ETS1: variants seen among roughly 807,000 people sequenced by gnomAD.
ETS1 encodes the protein protein C-ets-1.
ETS1 carries 15 observed loss-of-function variants against 58.6 expected under a neutral mutation model. The observed-to-expected ratio is 0.26, with a 90% CI of 0.17 to 0.39. The LOEUF (loss-of-function observed/expected upper bound fraction) is 0.39, where lower values mean the gene tolerates loss of function less well. ETS1 is among the 10% of genes least tolerant of loss of function. The pLI, the probability that ETS1 is intolerant of heterozygous loss-of-function variation, is 1.00. For synonymous variants in ETS1, 214 were observed against 218.2 expected (o/e 0.98, Z 0.17); for missense variants, 417 against 610.5 (o/e 0.68, Z 3.34).
chr11:128,492,802 T>A (rs778664801), intron 3 of ETS1, among the ~76,000 whole-genome samples: 1 of 152,114 alleles, frequency 6.6e-6, no homozygotes. Context: ...AGTTTTACTT[T>A]AGAGAAAAGG....
chr11:128,499,029 C>G (rs562041199), intron 3 of ETS1, among the ~76,000 whole-genome samples: 10 of 152,322 alleles, frequency 6.6e-5, no homozygotes, highest in African/African-American at 2.4e-4. Context: ...CATGGCTTTG[C>G]AGAGAACCAC....
At chr11:128,550,219 C>A (rs1864207975) in intron 3 of ETS1, among the ~76,000 whole-genome samples, 1 of 152,192 alleles carries the variant, frequency 6.6e-6, no homozygotes, top group Non-Finnish European at 1.5e-5. Context: ...CAGGCCAAAC[C>A]CTCTGCTTAG....
intron 7 of ETS1, among the ~76,000 whole-genome samples, chr11:128,481,837 A>C (rs150612562): frequency 1.3e-5 from 2 of 152,378 alleles, no homozygotes; most frequent in Admixed American, 1.3e-4. Flanking sequence ...CATTGTTTAA[A>C]GATCCGGATA....
chr11:128,485,844 A>G (rs1862615056), intron 6 of ETS1, among the ~76,000 whole-genome samples: 1 of 152,200 alleles, frequency 6.6e-6, no homozygotes, highest in South Asian at 2.1e-4. Context: ...GACATCAGAG[A>G]AGGATCCTAG....
chr11:128,532,903 G>A (rs1438615063), intron 3 of ETS1, among the ~76,000 whole-genome samples: 8 of 152,040 alleles, frequency 5.3e-5, no homozygotes, highest in South Asian at 2.1e-4. Context: ...AAACCACCAC[G>A]TGCCTTCAAG....
intron 2 of ETS1, among the ~76,000 whole-genome samples, chr11:128,559,085 C>G (rs566307187): frequency 1.3e-5 from 2 of 152,166 alleles, no homozygotes; most frequent in African/African-American, 4.8e-5. Flanking sequence ...AAAAGATCCT[C>G]GTAAAGTGGT....
intron 8 of ETS1, among the ~76,000 whole-genome samples, chr11:128,465,811 C>T (rs529047160): frequency 2.0e-4 from 31 of 152,320 alleles, no homozygotes; most frequent in African/African-American, 7.5e-4. Context: ...TCATTCCTCC[C>T]AATAATTCTG....
Position 128,463,383 on chromosome 11 carries a change from C to T in ETS1, c.1242+126G>A, listed in dbSNP as rs1028095083. 1.6e-5 allele frequency: 11 copies of T among 667,960 alleles called. No homozygotes were observed. The highest frequency in any genetic ancestry group is 1.1e-4 in the African/African-American group (6 of 55,968). 41.4% of individuals were successfully genotyped at this position (667,960 alleles called of 1,614,324 possible). ...CTCAGACAGGCTACCTAGCTTGCTC[C>T]GGGTGGCAAGTGGCAGAGCTGGGAA... On this transcript the variant is annotated intron_variant, in intron 9 of 9. Transcript: ENST00000392668. The surrounding 1 kb of genome is among the most constrained non-coding windows in gnomAD (Gnocchi z 4.1).
intron 2 of ETS1, among the ~76,000 whole-genome samples, chr11:128,561,633 G>A (rs561342193): frequency 6.6e-6 from 1 of 152,148 alleles, no homozygotes; most frequent in African/African-American, 2.4e-5. Context: ...AGGAAAAATC[G>A]ACATGATTTT....
At position 128,549,733 on chromosome 11, in the gene ETS1, C is replaced by T. The variant is rs1455141349; in HGVS notation, c.214+6558G>A. On this transcript the variant is annotated intron_variant, in intron 3 of 9. Coordinates refer to ENST00000392668, the MANE Select transcript of ETS1 (RefSeq NM_001143820.2). The surrounding 1 kb of genome is among the most constrained non-coding windows in gnomAD (Gnocchi z 4.3). ...AGGGGTGATTTACATTTGTAAAGGC[C>T]TTTCCAAGCCCTCCTTCCTCGGGGC... Among the ~76,000 whole-genome samples, 1 of 152,112 alleles carries T rather than the reference C, an allele frequency of 6.6e-6. No individual in the cohort carries two copies. The highest frequency in any genetic ancestry group is 1.5e-5 in the Non-Finnish European group (1 of 68,016).
At chr11:128,527,192 G>A (rs779130193) in intron 3 of ETS1, 9 of 311,202 alleles carry the variant, frequency 2.9e-5, no homozygotes, top group Non-Finnish European at 5.7e-5. Flanking sequence ...ATGGTTCCCT[G>A]TGGGAGACAG....
intron 5 of ETS1, among the ~76,000 whole-genome samples, chr11:128,488,456 C>G (rs543548536): frequency 1.2e-4 from 18 of 152,226 alleles, no homozygotes; most frequent in African/African-American, 4.3e-4. Context: ...TCCCCTCCCC[C>G]AGCGTCTGTG....
intron 3 of ETS1, among the ~76,000 whole-genome samples, chr11:128,548,747 G>A (rs925416212): frequency 1.8e-4 from 28 of 152,316 alleles, no homozygotes; most frequent in Non-Finnish European, 3.7e-4. Flanking sequence ...AGCTCGTCCC[G>A]GGACGCCCCA....
intron 2 of ETS1, among the ~76,000 whole-genome samples, chr11:128,560,712 G>A (rs1029915248): frequency 6.6e-6 from 1 of 152,130 alleles, no homozygotes; most frequent in African/African-American, 2.4e-5. Context: ...AATATATTTG[G>A]TGCACCTAGT....
intron 5 of ETS1, among the ~76,000 whole-genome samples, chr11:128,488,018 T>C (rs1320030966): frequency 6.6e-6 from 1 of 152,162 alleles, no homozygotes; most frequent in African/African-American, 2.4e-5. Context: ...GCAGCTCCAT[T>C]TTGATAAATG....
chr11:128,571,114 T>C (rs557361105), intron 2 of ETS1, among the ~76,000 whole-genome samples: 2 of 152,164 alleles, frequency 1.3e-5, no homozygotes, highest in East Asian at 1.9e-4. Flanking sequence ...CTGAGAGTTT[T>C]TGGTTTTTTT....
At chr11:128,493,414 A>G (rs1421226048) in intron 3 of ETS1, among the ~76,000 whole-genome samples, 1 of 152,224 alleles carries the variant, frequency 6.6e-6, no homozygotes, top group Non-Finnish European at 1.5e-5. Context: ...GAAAGCAGCT[A>G]GAATTACTTT....
At chr11:128,543,000 C>A (rs1864078228) in intron 3 of ETS1, among the ~76,000 whole-genome samples, 1 of 151,954 alleles carries the variant, frequency 6.6e-6, no homozygotes, top group Admixed American at 6.6e-5. Context: ...TGGTGAAAAC[C>A]CGTCTCTACT....
At position 128,463,644 on chromosome 11, in the gene ETS1, T is replaced by C. The variant is rs768926240; in HGVS notation, c.1124-17A>G. 25 of 1,350,198 alleles carry C rather than the reference T, an allele frequency of 1.9e-5. No homozygotes were observed. The South Asian group carries it at 2.0e-4, about 11-fold the overall frequency. 83.6% of individuals were successfully genotyped at this position (1,350,198 alleles called of 1,614,324 possible). A position where few individuals can be genotyped will look rare whatever the true frequency, so the allele number is the denominator to read the frequency against. ...GTCCACTGCCTAGAAACACAAGCCA[T>C]TGTGAATCATTACACCAGATATTCA... is the stretch of plus-strand genomic sequence containing the variant. On this transcript the variant is annotated splice_polypyrimidine_tract_variant and intron_variant, in intron 8 of 9. Coordinates refer to ENST00000392668, the MANE Select transcript of ETS1 (RefSeq NM_001143820.2). The surrounding 1 kb of genome is among the most constrained non-coding windows in gnomAD (Gnocchi z 4.1).
Sources: allele counts gnomAD v4.1 joint callset (sites outside exome capture counted in the v4.1 genomes callset), GRCh38; gene constraint gnomAD v4.1.1; non-coding constraint Gnocchi (gnomAD v3.1); transcripts MANE v1.5; gene names NCBI Gene and HGNC (gene_info 2026-07-23, HGNC 2026-07-21).